The following IL31RA variants were observed in gnomAD, a reference collection of about 807,000 sequenced individuals.
The protein encoded by IL31RA is interleukin-31 receptor subunit alpha.
IL31RA carries 66 observed loss-of-function variants against 83.7 expected under a neutral mutation model. The observed-to-expected ratio is 0.79, with a 90% CI of 0.65 to 0.97. The LOEUF (loss-of-function observed/expected upper bound fraction) is 0.97, where lower values mean the gene tolerates loss of function less well. Ranked by LOEUF, IL31RA falls within the 50% of genes least tolerant of loss-of-function variation. The pLI is 0.00. For synonymous variants in IL31RA, 325 were observed against 329.0 expected, an observed-to-expected ratio of 0.99 and a Z score of 0.13; for missense variants, 798 against 919.4, an observed-to-expected ratio of 0.87 and a Z score of 1.71.
chr5:55,862,107 G>A (rs746198314), intron 2 of IL31RA, among the ~76,000 whole-genome samples: 4 of 152,102 alleles, frequency 2.6e-5, no homozygotes, highest in Non-Finnish European at 5.9e-5. Flanking sequence ...GCTATGGTTC[G>A]TATTTTGAGG....
intron 11 of IL31RA, 152 bp downstream of exon 11, chr5:55,908,563 C>A (rs1749307032): frequency 6.4e-7 from 1 of 1,560,894 alleles, no homozygotes; most frequent in Non-Finnish European, 8.7e-7. Context: ...AAAATGGGGC[C>A]AAGAGCACCC....
At chr5:55,894,031 G>A (rs1247294457) in intron 6 of IL31RA, among the ~76,000 whole-genome samples, 1 of 152,000 alleles carries the variant, frequency 6.6e-6, no homozygotes, top group Non-Finnish European at 1.5e-5. Context: ...CAAGTGCCTG[G>A]AATGATTATT....
At chr5:55,884,230 T>G (rs1013929504) in intron 5 of IL31RA, among the ~76,000 whole-genome samples, 1 of 152,362 alleles carries the variant, frequency 6.6e-6, no homozygotes, top group Non-Finnish European at 1.5e-5. Flanking sequence ...CTATGTGGCA[T>G]GACGTTTCAC....
intron 1 of IL31RA, among the ~76,000 whole-genome samples, chr5:55,857,471 G>A (rs551125871): frequency 2.0e-5 from 3 of 152,310 alleles, no homozygotes; most frequent in South Asian, 4.1e-4. Flanking sequence ...AGGCTGTGGA[G>A]GACAAGCAAG....
chr5:55,886,781 A>G (rs968487422), intron 5 of IL31RA, among the ~76,000 whole-genome samples: 1 of 152,080 alleles, frequency 6.6e-6, no homozygotes, highest in Non-Finnish European at 1.5e-5. Flanking sequence ...TTTCCCTTGC[A>G]TCATGTTCTC....
intron 14 of IL31RA, 50 bp from the exon 15 acceptor site, chr5:55,916,594 C>T: frequency 6.6e-7 from 1 of 1,513,040 alleles, no homozygotes; most frequent in Non-Finnish European, 9.2e-7. Flanking sequence ...TTGGCTATGT[C>T]ATATGTGACT....
At chr5:55,909,705 A>C (rs1209190424) in intron 11 of IL31RA, among the ~76,000 whole-genome samples, 1 of 111,664 alleles carries the variant, frequency 9.0e-6, no homozygotes, top group African/African-American at 3.5e-5. Flanking sequence ...CCATTTGTAT[A>C]TCTTTTTTTT....
chr5:55,862,582 T>G (rs1425294773), intron 2 of IL31RA, among the ~76,000 whole-genome samples: 1 of 152,178 alleles, frequency 6.6e-6, no homozygotes, highest in Non-Finnish European at 1.5e-5. Context: ...CTAATTTTTG[T>G]ATTTTTAGTA....
At chr5:55,916,590 A>G (rs1035472846) in intron 14 of IL31RA, 54 bp from the exon 15 acceptor site, 2 of 1,480,870 alleles carry the variant, frequency 1.4e-6, no homozygotes, top group African/African-American at 1.4e-5. Flanking sequence ...GTTTTTGGCT[A>G]TGTCATATGT....
At chr5:55,901,586 CATTATTATTATT>C (rs58572654) in intron 8 of IL31RA, among the ~76,000 whole-genome samples, 9,034 of 144,856 alleles carry the variant, frequency 0.062, 590 homozygotes, top group African/African-American at 0.16. Flanking sequence ...TTACTATTGT[CATTATTATTATT>C]ATTATTATTA....
chr5:55,848,797 TG>T (rs1744991809), upstream of IL31RA, among the ~76,000 whole-genome samples: 1 of 152,204 alleles, frequency 6.6e-6, no homozygotes, highest in African/African-American at 2.4e-5. Context: ...CCACTTCAAA[TG>T]GGAAACACTA....
At chr5:55,897,327 T>A (rs1254881651) in intron 7 of IL31RA, among the ~76,000 whole-genome samples, 1 of 151,710 alleles carries the variant, frequency 6.6e-6, no homozygotes, top group Non-Finnish European at 1.5e-5. Context: ...CAAACATGCA[T>A]GACAGACGCT....
chr5:55,920,031 A>T lies in IL31RA; in HGVS notation c.*2911A>T, dbSNP rs1281963870. ...CAGCTAGGTTAGTGGCCTTTCTTTAACAGTAAGAGCAGAAAATTTTTAAAG... is the reference window on the plus strand; with the variant it reads ...CAGCTAGGTTAGTGGCCTTTCTTTATCAGTAAGAGCAGAAAATTTTTAAAG... On this transcript the variant is annotated 3_prime_UTR_variant, in exon 15 of 15. Transcript: ENST00000652347. Among the ~76,000 whole-genome samples the T allele has an allele frequency of 1.3e-5, 2 of 152,226 alleles. No homozygotes were observed. The highest frequency in any genetic ancestry group is 4.8e-5 in the African/African-American group (2 of 41,464).
chr5:55,897,467 C>T (rs1026899600), intron 7 of IL31RA, among the ~76,000 whole-genome samples: 9 of 152,098 alleles, frequency 5.9e-5, no homozygotes, highest in African/African-American at 2.2e-4. Flanking sequence ...CGTAAGTCTC[C>T]GGAACCCCCC....
At chr5:55,904,106 A>G (rs1748988249) in intron 8 of IL31RA, among the ~76,000 whole-genome samples, 1 of 152,126 alleles carries the variant, frequency 6.6e-6, no homozygotes, top group South Asian at 2.1e-4. Flanking sequence ...TAAAGGGCCC[A>G]CTGTCTTAAC....
Position 55,907,423 on chromosome 5 carries a change from C to A in IL31RA, c.1317C>A (p.Gly439=), listed in dbSNP as rs199913572. ...SVYPMLHDKV[G]EPYSIQAYAK... The stretch of plus-strand genomic sequence containing the variant: ...ATCCAATGTTGCATGACAAAGTTGG[C>A]GAGCCATATTCCATCCAGGCTTATG... The change falls in exon 10 of 15, where the codon GGC becomes GGA. Residue 439 remains glycine, a synonymous_variant. Coordinates refer to ENST00000652347, the MANE Select transcript of IL31RA (RefSeq NM_139017.7). The A allele has an allele frequency of 3.8e-6, 6 of 1,589,126 alleles. No homozygotes were observed. The East Asian group carries it at 1.2e-4, about 31-fold the overall frequency.
At chr5:55,864,780 CCA>C (rs898326142) in intron 2 of IL31RA, among the ~76,000 whole-genome samples, 6 of 151,206 alleles carry the variant, frequency 4.0e-5, no homozygotes, top group African/African-American at 1.5e-4. Flanking sequence ...TACACACATA[CCA>C]CACACACTCT....
At chr5:55,853,513 A>G in intron 1 of IL31RA, 1 of 1,550,888 alleles carries the variant, frequency 6.4e-7, no homozygotes, top group Non-Finnish European at 8.7e-7. Context: ...GTTGCCTTTG[A>G]TGCAAATCCT....
chr5:55,853,252 G>A, intron 1 of IL31RA: 2 of 1,102,556 alleles, frequency 1.8e-6, no homozygotes, highest in South Asian at 3.9e-5. Flanking sequence ...TCTTTTAGTT[G>A]TTTCTGGTCT....
Sources: gnomAD v4.1 joint callset for allele counts (sites outside exome capture counted in the v4.1 genomes callset) on GRCh38, gnomAD v4.1.1 for gene constraint, MANE v1.5 for transcripts, NCBI Gene and HGNC (gene_info 2026-07-23, HGNC 2026-07-21) for gene names.